Variants in CACNA2D3 observed in about 807,000 individuals in gnomAD.
CACNA2D3 encodes the protein calcium voltage-gated channel auxiliary subunit alpha2delta 3.
In CACNA2D3, 60 loss-of-function variants were observed where a neutral mutation model predicts 160.6. The observed-to-expected ratio is 0.37, with a 90% confidence interval of 0.30 to 0.46. The LOEUF is 0.46. Ranked by LOEUF, CACNA2D3 falls within the 20% of genes least tolerant of loss-of-function variation. The probability of loss-of-function intolerance (pLI) is 1.00; values close to 1 mark genes in which losing one functional copy is unlikely to be tolerated. For synonymous variants in CACNA2D3, 558 were observed against 492.9 expected, an observed-to-expected ratio of 1.13 and a Z score of -1.75; for missense variants, 1,205 against 1,365.0, an observed-to-expected ratio of 0.88 and a Z score of 1.85.
intron 4 of CACNA2D3, among the ~76,000 whole-genome samples, chr3:54,458,149 T>C (rs140208283): frequency 6.0e-4 from 91 of 152,246 alleles, no homozygotes; most frequent in African/African-American, 2.1e-3. Flanking sequence ...GTTTTTGATA[T>C]CCTTTGTTCC....
intron 2 of CACNA2D3, among the ~76,000 whole-genome samples, chr3:54,294,268 G>T (rs1208881350): frequency 6.6e-6 from 1 of 152,132 alleles, no homozygotes; most frequent in Non-Finnish European, 1.5e-5. Flanking sequence ...ACTTGGTCTT[G>T]CCCAAGGATC....
chr3:54,798,519 G>C (rs899180106), intron 13 of CACNA2D3, among the ~76,000 whole-genome samples: 3 of 152,112 alleles, frequency 2.0e-5, no homozygotes, highest in Admixed American at 2.0e-4. Context: ...CTGGGTGACA[G>C]AGCGAGACTC....
chr3:54,339,612 C>G (rs1460599846), intron 3 of CACNA2D3, among the ~76,000 whole-genome samples: 1 of 152,114 alleles, frequency 6.6e-6, no homozygotes, highest in Admixed American at 6.6e-5. Flanking sequence ...GTGCAGACAT[C>G]CAGGAAGTTC....
chr3:54,953,180 C>T (rs1323043135), intron 27 of CACNA2D3, among the ~76,000 whole-genome samples: 1 of 152,168 alleles, frequency 6.6e-6, no homozygotes, highest in Non-Finnish European at 1.5e-5. Context: ...AGGCTCATGA[C>T]ATACATTAGC....
chr3:54,425,058 G>T (rs1318322618), intron 4 of CACNA2D3, among the ~76,000 whole-genome samples: 1 of 152,204 alleles, frequency 6.6e-6, no homozygotes, highest in Non-Finnish European at 1.5e-5. Context: ...AGCTGGGCGC[G>T]GTGGCTCACG....
chr3:54,551,213 C>T (rs925968629), intron 5 of CACNA2D3, among the ~76,000 whole-genome samples: 3 of 152,290 alleles, frequency 2.0e-5, no homozygotes, highest in Admixed American at 6.5e-5. Context: ...ACAACCTGCC[C>T]ACCCCATGCC....
At chr3:54,835,109 C>A (rs1265383804) in intron 14 of CACNA2D3, among the ~76,000 whole-genome samples, 2 of 152,174 alleles carry the variant, frequency 1.3e-5, no homozygotes, top group East Asian at 3.9e-4. Flanking sequence ...ACCATGTCAC[C>A]ATGAGTTCCC....
chr3:54,801,697 G>T (rs965722274), intron 13 of CACNA2D3, among the ~76,000 whole-genome samples: 1 of 151,938 alleles, frequency 6.6e-6, no homozygotes, highest in African/African-American at 2.4e-5. Flanking sequence ...CAAAAAACCG[G>T]CATTACTTGT....
chr3:54,791,856 A>G (rs553561260), intron 13 of CACNA2D3, among the ~76,000 whole-genome samples: 133 of 152,300 alleles, frequency 8.7e-4, no homozygotes, highest in African/African-American at 3.0e-3. Flanking sequence ...CAGTACAAAC[A>G]TAAGTTTGTT....
chr3:54,765,969 G>A (rs72874219), intron 13 of CACNA2D3, among the ~76,000 whole-genome samples: 2,966 of 152,190 alleles, frequency 0.019, 103 homozygotes, highest in African/African-American at 0.068. Context: ...AGAAATCCAA[G>A]TGGATCAGAC....
At chr3:55,033,935 A>G (rs5008705) in intron 35 of CACNA2D3, among the ~76,000 whole-genome samples, 13,131 of 106,214 alleles carry the variant, frequency 0.12, 344 homozygotes, top group Admixed American at 0.14. Context: ...TTAAGGTTGT[A>G]TGAGATTCCA....
chr3:54,918,321 C>CTTTTT (rs60257399), intron 27 of CACNA2D3: 61 of 394,426 alleles, frequency 1.5e-4, no homozygotes, highest in African/African-American at 1.3e-3. Context: ...ACAGACACAT[C>CTTTTT]TTTTTTTTTT....
At chr3:55,014,093 C>T (rs562182692) in intron 34 of CACNA2D3, among the ~76,000 whole-genome samples, 17 of 152,244 alleles carry the variant, frequency 1.1e-4, no homozygotes, top group South Asian at 4.1e-4. Flanking sequence ...CACGTGTCTT[C>T]GTTTCTGAGC....
intron 3 of CACNA2D3, among the ~76,000 whole-genome samples, chr3:54,335,228 G>A (rs894610463): frequency 1.3e-5 from 2 of 152,208 alleles, no homozygotes; most frequent in African/African-American, 4.8e-5. Flanking sequence ...CAGACCCCAA[G>A]AGAGGGTTCT....
chr3:54,814,418 G>A (rs963285190), intron 13 of CACNA2D3, among the ~76,000 whole-genome samples: 1 of 152,212 alleles, frequency 6.6e-6, no homozygotes, highest in African/African-American at 2.4e-5. Flanking sequence ...GTATCTGGCT[G>A]GTCTGGCCCC....
chr3:55,004,626 A>C (rs1332941384), intron 31 of CACNA2D3, 137 bp from the exon 32 acceptor site: 2 of 600,258 alleles, frequency 3.3e-6, no homozygotes, highest in Non-Finnish European at 6.0e-6. Context: ...CTCCTTGTTC[A>C]TCATCCATGT....
chr3:54,802,498 A>C (rs947639901), intron 13 of CACNA2D3, among the ~76,000 whole-genome samples: 2 of 152,136 alleles, frequency 1.3e-5, no homozygotes, highest in Middle Eastern at 3.4e-3. Context: ...AAGCTGAGCA[A>C]AGAGTTACAG....
chr3:54,577,625 C>T (rs368046078), intron 8 of CACNA2D3, among the ~76,000 whole-genome samples: 1 of 140,354 alleles, frequency 7.1e-6, no homozygotes, highest in Non-Finnish European at 1.6e-5. Flanking sequence ...ATCACACTCA[C>T]ATATATATTT....
At chr3:54,523,525 A>G (rs2106996760) in intron 5 of CACNA2D3, among the ~76,000 whole-genome samples, 1 of 152,234 alleles carries the variant, frequency 6.6e-6, no homozygotes, top group African/African-American at 2.4e-5. Flanking sequence ...TTGGTATCAG[A>G]GTATGATTGG....
Sources: gnomAD v4.1 joint callset for allele counts (sites outside exome capture counted in the v4.1 genomes callset) on GRCh38, gnomAD v4.1.1 for gene constraint, MANE v1.5 for transcripts, NCBI Gene and HGNC (gene_info 2026-07-23, HGNC 2026-07-21) for gene names.